Variants in SETX observed in about 807,000 individuals in gnomAD.
SETX encodes senataxin, also known as helicase senataxin.
A neutral mutation model predicts 227.2 loss-of-function variants in SETX; 90 were observed. The observed-to-expected ratio is 0.40, with a 90% CI of 0.33 to 0.47. The LOEUF (loss-of-function observed/expected upper bound fraction) is 0.47, where lower values mean the gene tolerates loss of function less well. Ranked by LOEUF, SETX falls within the 20% of genes least tolerant of loss-of-function variation. The pLI, the probability that SETX is intolerant of heterozygous loss-of-function variation, is 0.91. For missense variants in SETX, 3,052 were observed against 3,181.5 expected (o/e 0.96, Z 0.98); for synonymous variants, 1,210 against 1,113.2 (o/e 1.09, Z -1.73).
chr9:132,278,887 T>A (rs1474856529), intron 20 of SETX, among the ~76,000 whole-genome samples: 1 of 152,316 alleles, frequency 6.6e-6, no homozygotes, highest in African/African-American at 2.4e-5. Context: ...GTACTAAGCA[T>A]CTATAATTTG....
chr9:132,266,624 T>C (rs1464251722), intron 25 of SETX, among the ~76,000 whole-genome samples: 1 of 151,970 alleles, frequency 6.6e-6, no homozygotes, highest in East Asian at 1.9e-4. Context: ...ATACAAAAAT[T>C]AGCCAAGTGT....
intron 24 of SETX, 23 bp from the exon 25 acceptor site, chr9:132,269,725 CTTCT>C (rs1278394427): frequency 2.5e-6 from 4 of 1,610,482 alleles, no homozygotes; most frequent in South Asian, 1.1e-5. Context: ...AAAAGAGTTC[CTTCT>C]TTGTCTAGAA....
intron 19 of SETX, among the ~76,000 whole-genome samples, chr9:132,282,287 A>AT (rs1290569416): frequency 6.8e-6 from 1 of 147,902 alleles, no homozygotes; most frequent in Non-Finnish European, 1.5e-5. Context: ...TTTTTTATTT[A>AT]TTTTTTAACT....
At chr9:132,355,923 G>A (rs1848887973), upstream of SETX, among the ~76,000 whole-genome samples, 1 of 146,078 alleles carries the variant, frequency 6.8e-6, no homozygotes, top group African/African-American at 2.5e-5. Context: ...GGAGGCAGAG[G>A]TTGCAGTGAG....
chr9:132,287,647 C>G (rs1843991412), intron 17 of SETX, among the ~76,000 whole-genome samples: 1 of 150,442 alleles, frequency 6.6e-6, no homozygotes, highest in Non-Finnish European at 1.5e-5. Flanking sequence ...ATATGGCTTG[C>G]AAAGCCTAAA....
chr9:132,310,633 A>G (rs552621081), intron 11 of SETX, among the ~76,000 whole-genome samples: 12 of 152,336 alleles, frequency 7.9e-5, no homozygotes, highest in African/African-American at 2.2e-4. Context: ...TGTGAAAATG[A>G]TAAGTTCCTG....
upstream of SETX, among the ~76,000 whole-genome samples, chr9:132,356,592 TTAG>T (rs1385241091): frequency 1.3e-5 from 2 of 151,996 alleles, no homozygotes; most frequent in African/African-American, 4.8e-5. Context: ...AATTAAACAA[TTAG>T]TAGTGGTGAC....
chr9:132,286,181 CAA>C (rs58043008), intron 18 of SETX, among the ~76,000 whole-genome samples: 30 of 74,510 alleles, frequency 4.0e-4, no homozygotes, highest in East Asian at 1.9e-3. Flanking sequence ...GACTTCACCT[CAA>C]AAAAAAAAAA....
At chr9:132,303,769 T>C (rs1447568832) in intron 11 of SETX, among the ~76,000 whole-genome samples, 2 of 152,160 alleles carry the variant, frequency 1.3e-5, no homozygotes, top group Non-Finnish European at 2.9e-5. Context: ...TTAGCCATTC[T>C]AGAAAAGTAA....
At chr9:132,298,905 CTG>C (rs1295765308) in intron 12 of SETX, among the ~76,000 whole-genome samples, 2 of 152,274 alleles carry the variant, frequency 1.3e-5, no homozygotes, top group South Asian at 2.1e-4. Flanking sequence ...ATTGGGCACT[CTG>C]TGTAGGGAAA....
intron 19 of SETX, chr9:132,282,661 T>G (rs571678131): frequency 1.2e-5 from 2 of 161,682 alleles, no homozygotes; most frequent in Non-Finnish European, 2.7e-5. Context: ...TCCCCATATC[T>G]TTCTTCCTTG....
intron 11 of SETX, among the ~76,000 whole-genome samples, chr9:132,309,453 G>C (rs1437703766): frequency 6.6e-6 from 1 of 152,100 alleles, no homozygotes; most frequent in Non-Finnish European, 1.5e-5. Flanking sequence ...TTCTAGAAAA[G>C]GGGTTCCCAA....
At chr9:132,291,387 TG>T (rs1027775884) in intron 15 of SETX, among the ~76,000 whole-genome samples, 1 of 148,570 alleles carries the variant, frequency 6.7e-6, no homozygotes, top group African/African-American at 2.5e-5. Flanking sequence ...AGGATGGTGT[TG>T]ATCTCCTGAC....
intron 22 of SETX, among the ~76,000 whole-genome samples, chr9:132,276,177 G>C (rs1843152256): frequency 6.6e-6 from 1 of 152,134 alleles, no homozygotes; most frequent in Non-Finnish European, 1.5e-5. Flanking sequence ...TCCTAACTTT[G>C]AGACTTACTA....
At chr9:132,314,286 T>C (rs1564522855) in intron 10 of SETX, among the ~76,000 whole-genome samples, 1 of 152,114 alleles carries the variant, frequency 6.6e-6, no homozygotes, top group Non-Finnish European at 1.5e-5. Flanking sequence ...GAGACAGAGT[T>C]TCTCCATGGT....
In SETX at chr9:132,327,828, G is replaced by A. The variant is rs773081186; in HGVS notation, c.3770C>T (p.Ser1257Leu). The A allele has an allele frequency of 1.5e-5, 24 of 1,613,994 alleles. No individual in the cohort carries two copies. The South Asian group carries it at 2.5e-4, about 17-fold the overall frequency. The change falls in exon 10 of 26, where the codon TCA becomes TTA. Residue 1257 changes from serine (S) to leucine (L), a missense_variant. Ser to Leu is a moderately radical substitution (Grantham distance 145). Transcript: ENST00000224140. ...SDAKKGQNRS[S>L]NYLSCRTTPA... The stretch of plus-strand genomic sequence containing the variant: ...AGTTGTTCTACAACTTAGGTAATTT[G>A]AACTTCTATTCTGTCCTTTTTTGGC...
In SETX at chr9:132,298,085, T is replaced by TA; in HGVS notation, c.5775_5776insT (p.Arg1926Ter). On this transcript the variant is annotated frameshift_variant, in exon 13 of 26. Coordinates refer to ENST00000224140, the MANE Select transcript of SETX (RefSeq NM_015046.7). LOFTEE classifies it high-confidence loss of function. ...TATCATACATCATCACTCACAATTC[T>TA]CTCAGATGTTGTAGTCAGTAAATCT... 1 of 1,610,132 alleles carries TA rather than the reference T, an allele frequency of 6.2e-7. No homozygotes were observed. The highest frequency in any genetic ancestry group is 1.7e-5 in the Admixed American group (1 of 59,998).
At chr9:132,317,631 CCT>C (rs1846061115) in intron 10 of SETX, among the ~76,000 whole-genome samples, 2 of 148,074 alleles carry the variant, frequency 1.4e-5, no homozygotes, top group South Asian at 4.2e-4. Flanking sequence ...GTATCATTTT[CCT>C]TTTTTTTTTT....
At chr9:132,354,429 G>A (rs1297130327) in intron 1 of SETX, among the ~76,000 whole-genome samples, 1 of 150,356 alleles carries the variant, frequency 6.7e-6, no homozygotes, top group Non-Finnish European at 1.5e-5. Context: ...CCAGGAAGAC[G>A]AGGTTGCTGC....
Sources: allele counts gnomAD v4.1 joint callset (sites outside exome capture counted in the v4.1 genomes callset), GRCh38; gene constraint gnomAD v4.1.1; transcripts MANE v1.5; gene names NCBI Gene and HGNC (gene_info 2026-07-23, HGNC 2026-07-21).